Variants in LBR observed in about 807,000 individuals in gnomAD.
LBR encodes the protein delta(14)-sterol reductase LBR.
Under a neutral mutation model 74.3 loss-of-function variants are expected in LBR, and 28 were observed. That is an observed-to-expected ratio of 0.38 (90% confidence interval 0.28 to 0.52). LBR has a LOEUF of 0.52. Among genes scored for constraint, LBR ranks in the 20% least tolerant of loss-of-function variants. The pLI is 0.89. For missense variants in LBR, 717 were observed against 760.3 expected (o/e 0.94, Z 0.67); for synonymous variants, 228 against 269.3 (o/e 0.85, Z 1.50).
chr1:225,406,711 G>A lies in LBR; in HGVS notation c.1436C>T (p.Pro479Leu). The stretch of plus-strand genomic sequence containing the variant: ...AGCCATTGGCCAAGACACTTCATTT[G>A]GATGACTGACTAAATAAAAGGCTTG... ...SFQAFYLVSH[P>L]NEVSWPMASL... Residue 479 changes from proline (P) to leucine (L), a missense_variant, in exon 11 of 14, where the codon CCA becomes CTA. Transcript: ENST00000272163. 6.2e-7 allele frequency: 1 copy of A among 1,613,688 alleles called. No individual in the cohort carries two copies. Among genetic ancestry groups the A allele is most frequent in the Non-Finnish European group, 8.5e-7 (1 of 1,179,876 alleles).
Position 225,411,292 on chromosome 1 carries a change from T to C in LBR, c.1188+45A>G, listed in dbSNP as rs2096104784. The C allele has an allele frequency of 3.8e-6, 5 of 1,330,052 alleles. No individual in the cohort carries two copies. The African/African-American group carries it at 4.3e-5, about 12-fold the overall frequency. The allele number at this position is 1,330,052 out of a possible 1,614,324, so 82.4% of individuals were successfully genotyped here. On this transcript the variant is annotated intron_variant, in intron 9 of 13. Coordinates refer to ENST00000272163, the MANE Select transcript of LBR (RefSeq NM_002296.4). ...TCTACATTTCTTTCTAGCAGTTAAT[T>C]AGACCTATTGAATTGAAATTTAGAA...
At chr1:225,407,872 T>C (rs1315147779) in intron 10 of LBR, among the ~76,000 whole-genome samples, 1 of 152,174 alleles carries the variant, frequency 6.6e-6, no homozygotes, top group East Asian at 1.9e-4. Context: ...TTATACTCTT[T>C]AGTTAACCAG....
At position 225,411,573 on chromosome 1, in the gene LBR, G is replaced by A. The variant is rs1368649760; in HGVS notation, c.1085-133C>T. 3 of 737,630 alleles carry A rather than the reference G, an allele frequency of 4.1e-6. No homozygotes were observed. The African/African-American group carries it at 5.2e-5, about 13-fold the overall frequency. 45.7% of individuals were successfully genotyped at this position (737,630 alleles called of 1,614,324 possible). A position where few individuals can be genotyped will look rare whatever the true frequency, so the allele number is the denominator to read the frequency against. On this transcript the variant is annotated intron_variant, in intron 8 of 13. Coordinates refer to ENST00000272163, the MANE Select transcript of LBR (RefSeq NM_002296.4). ...ACCCTGAGCAGGGCTCTGGTGGTGA[G>A]AGGCAGACAGGACGGCACAGACGAG...
At chr1:225,416,773 T>G (rs1332706181) in intron 6 of LBR, among the ~76,000 whole-genome samples, 1 of 152,226 alleles carries the variant, frequency 6.6e-6, no homozygotes, top group African/African-American at 2.4e-5. Flanking sequence ...CTTGTCCTTA[T>G]TCCCTAATAC....
In LBR at chr1:225,423,896, C is replaced by T. The variant is rs965680156; in HGVS notation, c.165+15G>A. On this transcript the variant is annotated intron_variant, in intron 2 of 13. Transcript: ENST00000272163. Reference sequence around the variant, plus strand: ...TTACTGTAAACACACTCTGATAAACCAAAGGAGCTCTTACCTTAATATCAT... The same window carrying T: ...TTACTGTAAACACACTCTGATAAACTAAAGGAGCTCTTACCTTAATATCAT... The T allele has an allele frequency of 2.5e-6, 4 of 1,609,996 alleles. No individual in the cohort carries two copies. Among genetic ancestry groups the T allele is most frequent in the Non-Finnish European group, 3.4e-6 (4 of 1,176,382 alleles).
chr1:225,412,710 C>T lies in LBR; in HGVS notation c.893-65G>A, dbSNP rs548350702. The T allele has an allele frequency of 5.6e-5, 77 of 1,383,058 alleles. 1 individual carries two copies. The South Asian group carries it at 7.6e-4, about 14-fold the overall frequency. The allele number at this position is 1,383,058 out of a possible 1,614,324, so 85.7% of individuals were successfully genotyped here. A position where few individuals can be genotyped will look rare whatever the true frequency, so the allele number is the denominator to read the frequency against. ...TAACCCAAGGCTCACATGAAACTTA[C>T]GCCACTATGAAACAATGCAATGTTC... On this transcript the variant is annotated intron_variant, in intron 7 of 13. Coordinates refer to ENST00000272163, the MANE Select transcript of LBR (RefSeq NM_002296.4).
intron 11 of LBR, among the ~76,000 whole-genome samples, chr1:225,405,576 T>A (rs973128250): frequency 5.3e-5 from 8 of 152,024 alleles, no homozygotes; most frequent in Non-Finnish European, 2.9e-5. Context: ...CCTCCCTCAC[T>A]CTCTCTTGTC....
intron 10 of LBR, among the ~76,000 whole-genome samples, chr1:225,408,990 A>T (rs1021245640): frequency 3.3e-5 from 5 of 152,258 alleles, no homozygotes; most frequent in African/African-American, 1.2e-4. Flanking sequence ...AGGTGAGCAC[A>T]ACTGTGAAAT....
At chr1:225,410,465 C>A (rs777091010) in intron 9 of LBR, 49 bp from the exon 10 acceptor site, 6 of 1,599,608 alleles carry the variant, frequency 3.8e-6, no homozygotes, top group Non-Finnish European at 5.1e-6. Context: ...TCCCCAGAGA[C>A]CTTAGCACTA....
chr1:225,411,494 T>A, intron 8 of LBR, 54 bp from the exon 9 acceptor site: 1 of 1,315,638 alleles, frequency 7.6e-7, no homozygotes, highest in Non-Finnish European at 1.1e-6. Context: ...GTCAGGAGGC[T>A]TTACAACGGC....
At chr1:225,407,104 T>C (rs2096093836) in intron 10 of LBR, among the ~76,000 whole-genome samples, 1 of 152,090 alleles carries the variant, frequency 6.6e-6, no homozygotes, top group South Asian at 2.1e-4. Context: ...TCCCCTCTGC[T>C]GACAACCCCT....
intron 3 of LBR, among the ~76,000 whole-genome samples, chr1:225,421,236 G>A (rs1157504410): frequency 6.6e-6 from 1 of 152,248 alleles, no homozygotes; most frequent in African/African-American, 2.4e-5. Flanking sequence ...GCTCACGCCT[G>A]TAATCCCAGC....
rs2096120667 is a variant in LBR, at chr1:225,418,030, A to T, written c.791T>A (p.Leu264Gln). The T allele has an allele frequency of 6.2e-7, 1 of 1,614,230 alleles. No homozygotes were observed. Among genetic ancestry groups the T allele is most frequent in the African/African-American group, 1.3e-5 (1 of 75,056 alleles). ...WETRVFGVYL[L>Q]WFLIQVLFYL... The stretch of plus-strand genomic sequence containing the variant: ...GAACAGGACTTGAATCAAAAACCAC[A>T]GGAGGTAGACCCCAAATACTCTGGT... The change falls in exon 6 of 14, where the codon CTG becomes CAG. Residue 264 changes from leucine (L) to glutamine (Q), a missense_variant. Physicochemically the swap from Leu to Gln is moderately radical, Grantham distance 113 (BLOSUM62 -2). Coordinates refer to ENST00000272163, the MANE Select transcript of LBR (RefSeq NM_002296.4).
chr1:225,419,527 C>T (rs2096123798), intron 4 of LBR, 75 bp from the exon 5 acceptor site: 1 of 1,062,354 alleles, frequency 9.4e-7, no homozygotes, highest in South Asian at 1.3e-5. Context: ...ACTATTTCAG[C>T]ATCTCAATAC....
At chr1:225,414,307 T>A in intron 7 of LBR, 1 of 353,170 alleles carries the variant, frequency 2.8e-6, no homozygotes, top group Non-Finnish European at 5.6e-6. Context: ...GAGTAGATGC[T>A]GCGTAAGTCT....
intron 8 of LBR, among the ~76,000 whole-genome samples, chr1:225,411,748 T>C (rs2096106247): frequency 6.6e-6 from 1 of 152,244 alleles, no homozygotes; most frequent in Non-Finnish European, 1.5e-5. Flanking sequence ...AGGCGACATT[T>C]TTTTATATTG....
In LBR at chr1:225,404,444, C is replaced by T; in HGVS notation, c.1647G>A (p.Leu549=). ...ACGCCAAGGCCATGATGAGATCACC[C>T]AAGTAATTGGGGTGGCGAACAAAGC... is the stretch of plus-strand genomic sequence containing the variant. ...WWGFVRHPNY[L]GDLIMALAWS... is the part of the protein sequence containing the mutation. Residue 549 remains leucine, a synonymous_variant, in exon 13 of 14, where the codon TTG becomes TTA. Transcript: ENST00000272163. 1.9e-6 allele frequency: 3 copies of T among 1,614,140 alleles called. No homozygotes were observed. Among genetic ancestry groups the T allele is most frequent in the Non-Finnish European group, 2.5e-6 (3 of 1,180,020 alleles).
rs1341648372 is a variant in LBR, at chr1:225,422,287, G to A, written c.166-10C>T. 1 of 1,609,768 alleles carries A rather than the reference G, an allele frequency of 6.2e-7. No homozygotes were observed. The highest frequency in any genetic ancestry group is 8.5e-7 in the Non-Finnish European group (1 of 1,177,430). On this transcript the variant is annotated splice_polypyrimidine_tract_variant and intron_variant, in intron 2 of 13. Coordinates refer to ENST00000272163, the MANE Select transcript of LBR (RefSeq NM_002296.4). ...TAAAGGAAGTTAAAGGCTAGAAAGG[G>A]GGAAGAAGGCAAAGAGCTTTACCAC...
In LBR at chr1:225,415,291, C is replaced by T. The variant is rs2096114835; in HGVS notation, c.879G>A (p.Lys293=). The T allele has an allele frequency of 2.5e-6, 4 of 1,592,312 alleles. No homozygotes were observed. Among genetic ancestry groups the T allele is most frequent in the Non-Finnish European group, 3.4e-6 (4 of 1,163,294 alleles). Residue 293 remains lysine (K), a synonymous_variant, in exon 7 of 14, where the codon AAG becomes AAA. Transcript: ENST00000272163. Reference sequence around the variant, plus strand: ...AAAGAAAATCACCATTTAATCTATACTTGAGTCTTCTTCCATCAATAAGAG... The same window carrying T: ...AAAGAAAATCACCATTTAATCTATATTTGAGTCTTCTTCCATCAATAAGAG... ...GTPLIDGRRL[K]YRLNGFYAFI...
Sources: allele counts gnomAD v4.1 joint callset (sites outside exome capture counted in the v4.1 genomes callset), GRCh38; gene constraint gnomAD v4.1.1; transcripts MANE v1.5; gene names NCBI Gene and HGNC (gene_info 2026-07-23, HGNC 2026-07-21).